Variants in ERBB4 observed in about 807,000 individuals in gnomAD.
ERBB4 encodes erb-b2 receptor tyrosine kinase 4.
A neutral mutation model predicts 158.0 loss-of-function variants in ERBB4; 42 were observed. That is an observed-to-expected ratio of 0.27 (90% CI 0.21 to 0.34). The LOEUF is 0.34. ERBB4 is among the 10% of genes least tolerant of loss of function. ERBB4 has a pLI of 1.00. For missense variants in ERBB4, 1,333 were observed against 1,624.1 expected, an observed-to-expected ratio of 0.82 and a Z score of 3.08; for synonymous variants, 583 against 558.7, an observed-to-expected ratio of 1.04 and a Z score of -0.61.
rs1158119455 is a variant in ERBB4, at chr2:211,528,727, T to C, written c.2487+33176A>G. Among the ~76,000 whole-genome samples the C allele has an allele frequency of 2.6e-5, 4 of 151,896 alleles. No homozygotes were observed. The South Asian group carries it at 8.3e-4, about 31-fold the overall frequency. On this transcript the variant is annotated intron_variant, in intron 20 of 27. Transcript: ENST00000342788. ...AAATTTTTGAAATTATACAAACACATGGAAATTAACCAATATGCTACTGAA... is the reference window on the plus strand; with the variant it reads ...AAATTTTTGAAATTATACAAACACACGGAAATTAACCAATATGCTACTGAA...
intron 23 of ERBB4, among the ~76,000 whole-genome samples, chr2:211,422,896 ACTTTCTTCCATAG>A (rs2063543505): frequency 6.6e-6 from 1 of 151,862 alleles, no homozygotes; most frequent in Admixed American, 6.6e-5. Flanking sequence ...ATGTTTTTAA[ACTTTCTTCCATAG>A]ATGTCTACCA....
At chr2:212,459,535 A>G (rs1688467623) in intron 1 of ERBB4, among the ~76,000 whole-genome samples, 1 of 152,188 alleles carries the variant, frequency 6.6e-6, no homozygotes, top group South Asian at 2.1e-4. Context: ...AAAGCAGTCT[A>G]CATGTTCAAT....
intron 20 of ERBB4, among the ~76,000 whole-genome samples, chr2:211,543,547 A>G (rs2125688031): frequency 6.6e-6 from 1 of 152,094 alleles, no homozygotes; most frequent in African/African-American, 2.4e-5. Context: ...AAAGGACTTC[A>G]AATGTGTAGG....
chr2:212,091,104 G>T (rs2078761588), intron 2 of ERBB4, among the ~76,000 whole-genome samples: 1 of 151,864 alleles, frequency 6.6e-6, no homozygotes, highest in African/African-American at 2.4e-5. Flanking sequence ...TATACAAAAT[G>T]TGTAAATGTC....
At chr2:212,011,571 C>T (rs531008838) in intron 2 of ERBB4, among the ~76,000 whole-genome samples, 1 of 151,870 alleles carries the variant, frequency 6.6e-6, no homozygotes, top group Non-Finnish European at 1.5e-5. Flanking sequence ...GGCAACATGG[C>T]GAAACTCCAT....
intron 20 of ERBB4, among the ~76,000 whole-genome samples, chr2:211,555,278 C>T (rs999149379): frequency 6.6e-5 from 10 of 152,110 alleles, no homozygotes; most frequent in African/African-American, 2.4e-4. Context: ...CTCTACCTCC[C>T]AGGTTCAAGC....
chr2:212,377,580 G>A (rs1274719972), intron 1 of ERBB4, among the ~76,000 whole-genome samples: 1 of 151,958 alleles, frequency 6.6e-6, no homozygotes, highest in Admixed American at 6.6e-5. Context: ...ATAAAAAATG[G>A]TACACCTGTC....
rs2078380221 is a variant in ERBB4, at chr2:212,079,729, T to C, written c.234+45023A>G. Among the ~76,000 whole-genome samples the C allele has an allele frequency of 2.0e-5, 3 of 152,054 alleles. No homozygotes were observed. The South Asian group carries it at 6.2e-4, about 32-fold the overall frequency. On this transcript the variant is annotated intron_variant, in intron 2 of 27. Coordinates refer to ENST00000342788, the MANE Select transcript of ERBB4 (RefSeq NM_005235.3). ...AAAAGGTGCCTGCCAAGTATCTTTT[T>C]AAAAAGTATGTAAATGACAGCAACA...
intron 1 of ERBB4, among the ~76,000 whole-genome samples, chr2:212,202,762 G>A (rs1308140828): frequency 2.0e-5 from 3 of 152,086 alleles, no homozygotes; most frequent in Non-Finnish European, 4.4e-5. Flanking sequence ...TTCAATCCAG[G>A]AAAGACTGAT....
chr2:211,704,747 T>C (rs992893165), intron 10 of ERBB4, among the ~76,000 whole-genome samples: 2 of 152,172 alleles, frequency 1.3e-5, no homozygotes, highest in African/African-American at 4.8e-5. Flanking sequence ...CAGAAAAACA[T>C]AGTTTCAAAG....
intron 20 of ERBB4, among the ~76,000 whole-genome samples, chr2:211,522,026 A>G (rs371511827): frequency 7.9e-5 from 12 of 152,186 alleles, no homozygotes; most frequent in African/African-American, 2.7e-4. Context: ...TGCTAATACA[A>G]CATCCATTAT....
chr2:212,408,968 C>T (rs753049942), intron 1 of ERBB4, among the ~76,000 whole-genome samples: 11 of 152,190 alleles, frequency 7.2e-5, no homozygotes, highest in Non-Finnish European at 1.3e-4. Flanking sequence ...CTGGCTACTA[C>T]ATTCTTCAAA....
intron 1 of ERBB4, among the ~76,000 whole-genome samples, chr2:212,451,002 A>G (rs1321101478): frequency 6.6e-6 from 1 of 151,990 alleles, no homozygotes; most frequent in Non-Finnish European, 1.5e-5. Context: ...GTAGTGTCAC[A>G]TCCGTGTAGT....
chr2:212,132,569 C>T (rs2080138029), intron 1 of ERBB4, among the ~76,000 whole-genome samples: 1 of 152,126 alleles, frequency 6.6e-6, no homozygotes, highest in Non-Finnish European at 1.5e-5. Flanking sequence ...TGAACTGTGA[C>T]ATAGATCTCC....
intron 1 of ERBB4, among the ~76,000 whole-genome samples, chr2:212,233,871 T>G (rs2105990251): frequency 6.6e-6 from 1 of 151,978 alleles, no homozygotes; most frequent in African/African-American, 2.4e-5. Flanking sequence ...TTTCTACATT[T>G]GACTTTTCAT....
At chr2:212,122,572 T>C (rs1166067005) in intron 2 of ERBB4, among the ~76,000 whole-genome samples, 1 of 152,116 alleles carries the variant, frequency 6.6e-6, no homozygotes, top group African/African-American at 2.4e-5. Context: ...GGCAGAAATC[T>C]TGACCCTCCT....
chr2:211,839,148 A>AGAGAAGGAG (rs1347938300), intron 3 of ERBB4, among the ~76,000 whole-genome samples: 1 of 96,748 alleles, frequency 1.0e-5, no homozygotes, highest in Non-Finnish European at 2.0e-5. Context: ...AGAGGGAGAG[A>AGAGAAGGAG]GAGAAGGAGG....
intron 10 of ERBB4, 45 bp from the exon 11 acceptor site, chr2:211,704,239 T>C: frequency 1.7e-6 from 2 of 1,190,692 alleles, no homozygotes; most frequent in Admixed American, 1.7e-5. Context: ...ATCATTGTCT[T>C]AGTATTAGTG....
intron 4 of ERBB4, among the ~76,000 whole-genome samples, chr2:211,765,818 A>G (rs904897306): frequency 1.6e-4 from 24 of 152,198 alleles, no homozygotes; most frequent in African/African-American, 5.3e-4. Context: ...AGTAAAGCCA[A>G]TTTCTTTATT....
Sources: allele counts gnomAD v4.1 joint callset (sites outside exome capture counted in the v4.1 genomes callset), GRCh38; gene constraint gnomAD v4.1.1; transcripts MANE v1.5; gene names NCBI Gene and HGNC (gene_info 2026-07-23, HGNC 2026-07-21).